TRAPPC9: variants seen among roughly 807,000 people sequenced by gnomAD.
The protein encoded by TRAPPC9 is IKK2 binding protein.
Under a neutral mutation model 124.0 loss-of-function variants are expected in TRAPPC9, and 83 were observed. That is an observed-to-expected ratio of 0.67 (90% CI 0.56 to 0.80). The LOEUF (loss-of-function observed/expected upper bound fraction) is 0.80, where lower values mean the gene tolerates loss of function less well. Ranked by LOEUF, TRAPPC9 falls within the 30% of genes least tolerant of loss-of-function variation. The pLI, the probability that TRAPPC9 is intolerant of heterozygous loss-of-function variation, is 0.00. For synonymous variants in TRAPPC9, 638 were observed against 617.5 expected (o/e 1.03, Z -0.49); for missense variants, 1,302 against 1,508.3 (o/e 0.86, Z 2.27).
At chr8:139,793,469 C>A (rs923986381) in intron 21 of TRAPPC9, among the ~76,000 whole-genome samples, 1 of 152,216 alleles carries the variant, frequency 6.6e-6, no homozygotes, top group African/African-American at 2.4e-5. Context: ...CAGGCTCCTG[C>A]CCGCCACCTG....
At chr8:140,439,228 A>G in intron 2 of TRAPPC9, 31 bp from the exon 3 acceptor site, 1 of 1,612,024 alleles carries the variant, frequency 6.2e-7, no homozygotes, top group Non-Finnish European at 8.5e-7. Flanking sequence ...TATCTTTATT[A>G]CTATACAACT....
chr8:139,774,330 G>A (rs779984448), intron 21 of TRAPPC9, among the ~76,000 whole-genome samples: 10 of 152,224 alleles, frequency 6.6e-5, no homozygotes, highest in Non-Finnish European at 1.3e-4. Flanking sequence ...CCGGAGGATG[G>A]AGGCTGGGAC....
intron 15 of TRAPPC9, among the ~76,000 whole-genome samples, chr8:140,265,201 C>T (rs1351538809): frequency 6.6e-6 from 1 of 152,150 alleles, no homozygotes; most frequent in Non-Finnish European, 1.5e-5. Flanking sequence ...CCCCAGGCCG[C>T]GCCCAGGCCA....
intron 17 of TRAPPC9, among the ~76,000 whole-genome samples, chr8:140,136,709 G>A (rs1409181162): frequency 6.6e-6 from 1 of 152,168 alleles, no homozygotes; most frequent in Non-Finnish European, 1.5e-5. Context: ...GTGATCGTGA[G>A]TGCCTGTAAT....
intron 21 of TRAPPC9, among the ~76,000 whole-genome samples, chr8:139,768,830 G>T (rs1329699825): frequency 6.6e-6 from 1 of 152,142 alleles, no homozygotes; most frequent in Non-Finnish European, 1.5e-5. Flanking sequence ...ATACCTCGGG[G>T]GGGAATGTAT....
At chr8:140,247,553 T>C (rs1476749481) in intron 16 of TRAPPC9, among the ~76,000 whole-genome samples, 1 of 151,932 alleles carries the variant, frequency 6.6e-6, no homozygotes, top group Non-Finnish European at 1.5e-5. Context: ...CATGCAACAG[T>C]TTCAAGGGTT....
At chr8:140,006,854 G>A (rs376736426) in intron 18 of TRAPPC9, among the ~76,000 whole-genome samples, 5 of 152,170 alleles carry the variant, frequency 3.3e-5, no homozygotes, top group East Asian at 1.9e-4. Context: ...GAATGGCAGC[G>A]ATGGGTACAG....
intron 9 of TRAPPC9, among the ~76,000 whole-genome samples, chr8:140,349,349 C>A (rs1162407271): frequency 4.3e-5 from 4 of 93,194 alleles, no homozygotes; most frequent in Non-Finnish European, 6.8e-5. Context: ...CCGAAGGGGG[C>A]GCGCGAGGGA....
At position 139,979,853 on chromosome 8, in the gene TRAPPC9, C is replaced by A. The variant is rs560874831; in HGVS notation, c.2810+8873G>T. Among the ~76,000 whole-genome samples, 133 of 152,272 alleles carry A rather than the reference C, an allele frequency of 8.7e-4. 1 individual carries two copies. Among genetic ancestry groups the A allele is most frequent in the African/African-American group, 2.7e-3 (113 of 41,564 alleles). On this transcript the variant is annotated intron_variant, in intron 19 of 22. Coordinates refer to ENST00000438773, the MANE Select transcript of TRAPPC9 (RefSeq NM_001160372.4). ...AAGCGGGGCTTGAGGGAAAGAAGAG[C>A]CGTGGCCGATGGGCAAGTGACGCCC...
At chr8:139,867,521 A>C (rs1828628682) in intron 21 of TRAPPC9, among the ~76,000 whole-genome samples, 1 of 152,186 alleles carries the variant, frequency 6.6e-6, no homozygotes, top group Non-Finnish European at 1.5e-5. Flanking sequence ...CAAAGAGACA[A>C]GGAGTAGCTT....
At chr8:140,432,416 A>G (rs991567386) in intron 4 of TRAPPC9, among the ~76,000 whole-genome samples, 1 of 152,218 alleles carries the variant, frequency 6.6e-6, no homozygotes, top group Non-Finnish European at 1.5e-5. Flanking sequence ...TTAGAACAGG[A>G]AGAAAACTCG....
chr8:139,977,177 G>A (rs1836531164), intron 19 of TRAPPC9, among the ~76,000 whole-genome samples: 1 of 152,156 alleles, frequency 6.6e-6, no homozygotes, highest in African/African-American at 2.4e-5. Flanking sequence ...GGACGAGAGG[G>A]CTTGAATGTG....
chr8:139,804,235 A>C (rs1368037263), intron 21 of TRAPPC9, among the ~76,000 whole-genome samples: 4,070 of 114,002 alleles, frequency 0.036, 141 homozygotes, highest in Admixed American at 0.077. Flanking sequence ...CATCACCACC[A>C]CCCACCACCA....
At chr8:139,858,135 T>C (rs1457377307) in intron 21 of TRAPPC9, among the ~76,000 whole-genome samples, 9 of 152,216 alleles carry the variant, frequency 5.9e-5, no homozygotes, top group Admixed American at 3.3e-4. Context: ...AAAAACATTA[T>C]GAAAACAAGT....
intron 9 of TRAPPC9, among the ~76,000 whole-genome samples, chr8:140,329,840 G>A (rs1434259994): frequency 6.6e-6 from 1 of 152,082 alleles, no homozygotes; most frequent in Non-Finnish European, 1.5e-5. Context: ...TACTTTGGGA[G>A]GCCAAGGCGG....
chr8:140,100,360 G>A (rs940331274), intron 17 of TRAPPC9: 1 of 152,538 alleles, frequency 6.6e-6, no homozygotes, highest in Non-Finnish European at 1.5e-5. Context: ...CACCCAGCCA[G>A]GTCTCAGCGC....
At chr8:139,818,912 C>T (rs1391945632) in intron 21 of TRAPPC9, among the ~76,000 whole-genome samples, 3 of 152,186 alleles carry the variant, frequency 2.0e-5, no homozygotes, top group Admixed American at 6.5e-5. Context: ...TTTCTGTGAC[C>T]TCTTAGTCCC....
rs573048703 is a variant in TRAPPC9, at chr8:139,821,738, G to T, written c.3055+64141C>A. Among the ~76,000 whole-genome samples, 3 of 152,352 alleles carry T rather than the reference G, an allele frequency of 2.0e-5. No individual in the cohort carries two copies. The South Asian group carries it at 6.2e-4, about 32-fold the overall frequency. Reference sequence around the variant, plus strand: ...TTCTCGACTACAAACCAGCACCCATGGTGAGGCTCCATGACGGTCCAGCCA... The same window carrying T: ...TTCTCGACTACAAACCAGCACCCATTGTGAGGCTCCATGACGGTCCAGCCA... On this transcript the variant is annotated intron_variant, in intron 21 of 22. Coordinates refer to ENST00000438773, the MANE Select transcript of TRAPPC9 (RefSeq NM_001160372.4).
chr8:140,255,124 T>C (rs7005477), intron 15 of TRAPPC9, among the ~76,000 whole-genome samples: 34,046 of 152,234 alleles, frequency 0.22, 4,197 homozygotes, highest in African/African-American at 0.32. Flanking sequence ...ACGGCGTTTA[T>C]GTCTCCATGT....
Sources: gnomAD v4.1 joint callset for allele counts (sites outside exome capture counted in the v4.1 genomes callset) on GRCh38, gnomAD v4.1.1 for gene constraint, MANE v1.5 for transcripts, NCBI Gene and HGNC (gene_info 2026-07-23, HGNC 2026-07-21) for gene names.